IGSF21: variants seen among roughly 807,000 people sequenced by gnomAD.
The protein encoded by IGSF21 is immunoglobin superfamily member 21.
A neutral mutation model predicts 46.8 loss-of-function variants in IGSF21; 28 were observed. The observed-to-expected ratio is 0.60, with a 90% CI of 0.44 to 0.82. The LOEUF is 0.82. Among genes scored for constraint, IGSF21 ranks in the 40% least tolerant of loss-of-function variants. The pLI, the probability that IGSF21 is intolerant of heterozygous loss-of-function variation, is 0.00. For synonymous variants in IGSF21, 284 were observed against 273.6 expected (o/e 1.04, Z -0.38); for missense variants, 624 against 665.5 (o/e 0.94, Z 0.69).
chr1:18,189,501 A>G (rs1244618852), intron 1 of IGSF21, among the ~76,000 whole-genome samples: 1 of 152,076 alleles, frequency 6.6e-6, no homozygotes, highest in Non-Finnish European at 1.5e-5. Context: ...TTATTATTAC[A>G]TTGTAATATA....
intron 1 of IGSF21, among the ~76,000 whole-genome samples, chr1:18,122,193 CTTTTTTT>C (rs766563472): frequency 5.1e-5 from 4 of 78,768 alleles, no homozygotes; most frequent in African/African-American, 1.4e-4. Flanking sequence ...TTCTTTCTTT[CTTTTTTT>C]TTTTTTTTTT....
intron 3 of IGSF21, among the ~76,000 whole-genome samples, chr1:18,297,497 C>G (rs2085322586): frequency 6.6e-6 from 1 of 152,048 alleles, no homozygotes; most frequent in African/African-American, 2.4e-5. Context: ...TGAGGAGAGA[C>G]ACACTACAAA....
chr1:18,248,856 T>C (rs2084808844), intron 2 of IGSF21, among the ~76,000 whole-genome samples: 1 of 152,058 alleles, frequency 6.6e-6, no homozygotes. Context: ...GCAGAGCAGG[T>C]AGGCCTGACC....
chr1:18,251,643 A>G (rs1212815999), intron 2 of IGSF21, among the ~76,000 whole-genome samples: 1 of 152,194 alleles, frequency 6.6e-6, no homozygotes, highest in Non-Finnish European at 1.5e-5. Flanking sequence ...AGGGAGGCTG[A>G]GAAAGTGTAG....
At chr1:18,245,046 A>C (rs1013657332) in intron 2 of IGSF21, among the ~76,000 whole-genome samples, 5 of 152,146 alleles carry the variant, frequency 3.3e-5, no homozygotes, top group African/African-American at 9.7e-5. Flanking sequence ...TACTTATTGA[A>C]CTGATTATAA....
chr1:18,117,212 C>T (rs2086196195), intron 1 of IGSF21, among the ~76,000 whole-genome samples: 1 of 152,214 alleles, frequency 6.6e-6, no homozygotes, highest in East Asian at 1.9e-4. Flanking sequence ...AAAGAAATGC[C>T]ATCGTTTGGA....
intron 4 of IGSF21, among the ~76,000 whole-genome samples, chr1:18,356,009 A>G (rs1252218541): frequency 6.6e-6 from 1 of 151,734 alleles, no homozygotes; most frequent in East Asian, 1.9e-4. Context: ...CTAATTGCGT[A>G]TTTTTAGTAG....
At chr1:18,342,284 A>C (rs2085850948) in intron 4 of IGSF21, among the ~76,000 whole-genome samples, 1 of 151,956 alleles carries the variant, frequency 6.6e-6, no homozygotes, top group African/African-American at 2.4e-5. Context: ...AGTCGAGACG[A>C]GGTTTCTCCA....
At chr1:18,339,134 T>C (rs1183246921) in intron 4 of IGSF21, among the ~76,000 whole-genome samples, 1 of 152,070 alleles carries the variant, frequency 6.6e-6, no homozygotes, top group African/African-American at 2.4e-5. Context: ...AGTTAATACC[T>C]CACAAAAGCC....
At chr1:18,347,161 C>T (rs983231160) in intron 4 of IGSF21, among the ~76,000 whole-genome samples, 1 of 152,040 alleles carries the variant, frequency 6.6e-6, no homozygotes, top group East Asian at 1.9e-4. Context: ...CTTCTAGAAC[C>T]CTCCCTCCCT....
intron 2 of IGSF21, among the ~76,000 whole-genome samples, chr1:18,243,236 A>T (rs1569613301): frequency 6.6e-6 from 1 of 152,174 alleles, no homozygotes. Context: ...AACATGGCCA[A>T]AGCAAAGCTC....
At chr1:18,230,492 A>C (rs2084614088) in intron 2 of IGSF21, among the ~76,000 whole-genome samples, 1 of 152,168 alleles carries the variant, frequency 6.6e-6, no homozygotes, top group African/African-American at 2.4e-5. Flanking sequence ...AATCACATGC[A>C]AATCACCCAC....
chr1:18,365,745 G>A lies in IGSF21; in HGVS notation c.1015+48G>A. On this transcript the variant is annotated intron_variant, in intron 6 of 9. Transcript: ENST00000251296. The surrounding 1 kb of genome is among the most constrained non-coding windows in gnomAD (Gnocchi z 4.8). ...CTGTAGAGCCCTTGCAGACCTGGGTGTGGGGAGAGCCTTGGAATAGGGTTC... is the reference window on the plus strand; with the variant it reads ...CTGTAGAGCCCTTGCAGACCTGGGTATGGGGAGAGCCTTGGAATAGGGTTC... 1 of 1,495,608 alleles carries A rather than the reference G, an allele frequency of 6.7e-7. No homozygotes were observed. Among genetic ancestry groups the A allele is most frequent in the Admixed American group, 1.8e-5 (1 of 54,638 alleles). 92.6% of individuals were successfully genotyped at this position (1,495,608 alleles called of 1,614,324 possible).
chr1:18,227,865 G>A, intron 1 of IGSF21, 33 bp from the exon 2 acceptor site: 1 of 1,534,738 alleles, frequency 6.5e-7, no homozygotes, highest in Non-Finnish European at 9.0e-7. Context: ...ATCTGCTCGT[G>A]CCCTTACCAC....
chr1:18,248,594 C>T lies in IGSF21; in HGVS notation c.183+20584C>T, dbSNP rs78360528. Reference sequence around the variant, plus strand: ...TTCAATGTGTTCACTTCATGCCTGCCGTGGTGCTTAAGACACAGATATTGA... The same window carrying T: ...TTCAATGTGTTCACTTCATGCCTGCTGTGGTGCTTAAGACACAGATATTGA... On this transcript the variant is annotated intron_variant, in intron 2 of 9. Transcript: ENST00000251296. Among the ~76,000 whole-genome samples the T allele has an allele frequency of 9.0e-3, 1,374 of 152,202 alleles. 49 individuals are homozygous for T. In the East Asian group the frequency reaches 0.11, roughly 12 times the overall value.
At chr1:18,336,262 G>T (rs191039899) in intron 4 of IGSF21, among the ~76,000 whole-genome samples, 1 of 152,312 alleles carries the variant, frequency 6.6e-6, no homozygotes, top group East Asian at 1.9e-4. Flanking sequence ...AGGAAATAAA[G>T]CAGAGTAAAG....
intron 1 of IGSF21, among the ~76,000 whole-genome samples, chr1:18,204,582 G>A (rs1034120391): frequency 6.6e-5 from 10 of 152,268 alleles, no homozygotes; most frequent in South Asian, 2.1e-4. Context: ...GAGGTGGAGG[G>A]GAGATGAAGG....
rs150069731 is a variant in IGSF21, at chr1:18,127,632, G to A, written c.70+19434G>A. Among the ~76,000 whole-genome samples, 136 of 152,292 alleles carry A rather than the reference G, an allele frequency of 8.9e-4. 1 individual carries two copies. The East Asian group carries it at 0.014, about 16-fold the overall frequency. On this transcript the variant is annotated intron_variant, in intron 1 of 9. Coordinates refer to ENST00000251296, the MANE Select transcript of IGSF21 (RefSeq NM_032880.5). ...GCAAAATGGGGGTTGGCTGGGCACT[G>A]TGGCTCTTGCCCATAATCCCAGCAC...
chr1:18,259,300 A>C (rs530345080), intron 2 of IGSF21, among the ~76,000 whole-genome samples: 1 of 152,192 alleles, frequency 6.6e-6, no homozygotes, highest in Non-Finnish European at 1.5e-5. Context: ...CTTCATCTGT[A>C]AAATGAGGAG....
Sources: gnomAD v4.1 joint callset for allele counts (sites outside exome capture counted in the v4.1 genomes callset) on GRCh38, gnomAD v4.1.1 for gene constraint, Gnocchi (gnomAD v3.1) non-coding constraint, MANE v1.5 for transcripts, NCBI Gene and HGNC (gene_info 2026-07-23, HGNC 2026-07-21) for gene names.